PPP3CC: variants seen among roughly 807,000 people sequenced by gnomAD.
PPP3CC encodes the protein serine/threonine-protein phosphatase 2B catalytic subunit gamma isoform.
PPP3CC carries 35 observed loss-of-function variants against 60.3 expected under a neutral mutation model. The ratio of observed to expected loss-of-function variants is 0.58; its 90% confidence interval spans 0.44 to 0.77. PPP3CC has a LOEUF of 0.77. PPP3CC is among the 30% of genes least tolerant of loss of function. The probability of loss-of-function intolerance (pLI) is 0.00; values close to 1 mark genes in which losing one functional copy is unlikely to be tolerated. For synonymous variants in PPP3CC, 206 were observed against 224.3 expected (o/e 0.92, Z 0.73); for missense variants, 570 against 628.9 (o/e 0.91, Z 1.00).
chr8:22,539,273 C>T (rs201334206), intron 12 of PPP3CC, among the ~76,000 whole-genome samples, 196 bp from the exon 13 acceptor site: 4 of 144,306 alleles, frequency 2.8e-5, no homozygotes, highest in East Asian at 2.1e-4. Context: ...AACTCTCCCC[C>T]ACCCCATATT....
rs893369996 is a variant in PPP3CC at position 22,527,324 on chromosome 8, G to A, written c.944-68G>A. The A allele has an allele frequency of 2.6e-6, 4 of 1,558,522 alleles. No homozygotes were observed. The East Asian group carries it at 6.7e-5, about 26-fold the overall frequency. ...AATTCTGTGTAGCAGGTACACAGCT[G>A]TACAAAGCATACCACTTGCCATGCC... On this transcript the variant is annotated intron_variant, in intron 8 of 13. Coordinates refer to ENST00000240139, the MANE Select transcript of PPP3CC (RefSeq NM_005605.5).
intron 5 of PPP3CC, 59 bp downstream of exon 5, chr8:22,511,290 G>A: frequency 2.0e-6 from 3 of 1,518,826 alleles, no homozygotes; most frequent in African/African-American, 2.8e-5. Flanking sequence ...GGGTTTTTTT[G>A]TTGTTGTTGT....
intron 12 of PPP3CC, among the ~76,000 whole-genome samples, chr8:22,537,715 A>G (rs759195820): frequency 2.0e-4 from 30 of 152,250 alleles, no homozygotes; most frequent in Non-Finnish European, 4.3e-4. Context: ...CTATTCAGCC[A>G]TAAAAAGGAA....
chr8:22,459,215 G>A (rs540247348), intron 1 of PPP3CC, among the ~76,000 whole-genome samples: 1 of 152,248 alleles, frequency 6.6e-6, no homozygotes, highest in Non-Finnish European at 1.5e-5. Context: ...TGGAATTACA[G>A]GCACATGCCA....
chr8:22,511,702 T>C (rs1379574347), intron 5 of PPP3CC, among the ~76,000 whole-genome samples: 1 of 152,248 alleles, frequency 6.6e-6, no homozygotes, highest in African/African-American at 2.4e-5. Flanking sequence ...CATTTTGATA[T>C]GTACCTACCA....
intron 1 of PPP3CC, among the ~76,000 whole-genome samples, chr8:22,462,983 T>C (rs1287998614): frequency 6.6e-6 from 1 of 152,228 alleles, no homozygotes; most frequent in Non-Finnish European, 1.5e-5. Flanking sequence ...GGCAACCAAA[T>C]ATATTTTTTT....
rs1563776032 is a variant in PPP3CC at position 22,522,586 on chromosome 8, T to C, written c.848+18T>C. The C allele has an allele frequency of 1.3e-6, 2 of 1,599,116 alleles. No homozygotes were observed. Among genetic ancestry groups the C allele is most frequent in the South Asian group, 2.2e-5 (2 of 89,828 alleles). ...GATGCTGGGTAAGTTACATTAAAAT[T>C]GTACCAAATATCGCTGCAGAGTCTT... On this transcript the variant is annotated intron_variant, in intron 7 of 13. Transcript: ENST00000240139.
Position 22,533,031 on chromosome 8 carries a change from G to C in PPP3CC, c.1321+13G>C. 6.5e-7 allele frequency: 1 copy of C among 1,549,788 alleles called. No homozygotes were observed. The highest frequency in any genetic ancestry group is 1.2e-5 in the South Asian group (1 of 85,386). ...ACTATCGAGACAGGTGAGTATGAGA[G>C]TGCTCCTCCATGGAAGGTGTGCTCC... is the stretch of plus-strand genomic sequence containing the variant. On this transcript the variant is annotated intron_variant, in intron 12 of 13. Coordinates refer to ENST00000240139, the MANE Select transcript of PPP3CC (RefSeq NM_005605.5).
chr8:22,442,115 A>T (rs1421825437), intron 1 of PPP3CC, among the ~76,000 whole-genome samples: 2 of 152,238 alleles, frequency 1.3e-5, no homozygotes, highest in Non-Finnish European at 2.9e-5. Flanking sequence ...TAAGAACAAA[A>T]TGTAAAGGGC....
At chr8:22,537,577 G>A (rs558687819) in intron 12 of PPP3CC, among the ~76,000 whole-genome samples, 1 of 152,222 alleles carries the variant, frequency 6.6e-6, no homozygotes, top group Admixed American at 6.5e-5. Flanking sequence ...ACAAAGAAAT[G>A]AAAATATGTC....
intron 12 of PPP3CC, among the ~76,000 whole-genome samples, chr8:22,537,449 C>G (rs1290514466): frequency 1.3e-5 from 2 of 152,168 alleles, no homozygotes; most frequent in Admixed American, 1.3e-4. Context: ...CTTCTTAACA[C>G]TGCTGGTGGA....
chr8:22,511,923 G>C (rs939944459), intron 5 of PPP3CC, among the ~76,000 whole-genome samples: 9 of 152,190 alleles, frequency 5.9e-5, no homozygotes, highest in Admixed American at 5.9e-4. Flanking sequence ...AGTTGGAAGG[G>C]ATGGTCTGAG....
chr8:22,533,309 A>G (rs1364499428), intron 12 of PPP3CC, among the ~76,000 whole-genome samples: 1 of 152,246 alleles, frequency 6.6e-6, no homozygotes, highest in Non-Finnish European at 1.5e-5. Flanking sequence ...CTAACCTTAA[A>G]AAGCCAGTTG....
chr8:22,537,698 T>C (rs2117161592), intron 12 of PPP3CC, among the ~76,000 whole-genome samples: 1 of 152,288 alleles, frequency 6.6e-6, no homozygotes, highest in African/African-American at 2.4e-5. Context: ...GTAAACGCAA[T>C]GGAATACTAT....
At position 22,527,485 on chromosome 8, in the gene PPP3CC, T is replaced by G; in HGVS notation, c.1037T>G (p.Phe346Cys). The G allele has an allele frequency of 6.2e-7, 1 of 1,614,162 alleles. No individual in the cohort carries two copies. The highest frequency in any genetic ancestry group is 8.5e-7 in the Non-Finnish European group (1 of 1,179,998). ...TGGCTTCCAAACTTTATGGATGTTT[T>G]CACATGGTCTTTGCCTTTTGTTGGG... ...PYWLPNFMDV[F>C]TWSLPFVGEK... The change falls in exon 9 of 14, where the codon TTC (phenylalanine) becomes TGC (cysteine). Residue 346 changes from phenylalanine (F) to cysteine (C), a missense_variant. Transcript: ENST00000240139.
chr8:22,472,402 A>ACACACACACG (rs1837754913), intron 1 of PPP3CC, among the ~76,000 whole-genome samples: 1 of 150,690 alleles, frequency 6.6e-6, no homozygotes, highest in Non-Finnish European at 1.5e-5. Context: ...ACACACACAC[A>ACACACACACG]CACACTGAGC....
chr8:22,460,711 C>T lies in PPP3CC; in HGVS notation c.50-14243C>T, dbSNP rs182456144. Among the ~76,000 whole-genome samples the T allele has an allele frequency of 2.6e-5, 4 of 152,152 alleles. No homozygotes were observed. In the East Asian group the frequency reaches 5.8e-4, roughly 22 times the overall value. On this transcript the variant is annotated intron_variant, in intron 1 of 13. Transcript: ENST00000240139. ...GTGCATATCTGAAGTCCCAGCTACT[C>T]TGGAAGCTGAGGTGAGAGGATTGCT...
chr8:22,522,811 T>TGTATGTAC, intron 8 of PPP3CC, 62 bp downstream of exon 8: 1 of 1,193,710 alleles, frequency 8.4e-7, no homozygotes, highest in Non-Finnish European at 1.2e-6. Flanking sequence ...CTGGTTTAAT[T>TGTATGTAC]GTATGTACGT....
chr8:22,523,589 T>A (rs1180633745), intron 8 of PPP3CC: 1 of 438,738 alleles, frequency 2.3e-6, no homozygotes, highest in Non-Finnish European at 4.6e-6. Flanking sequence ...ATTCCAACAA[T>A]GCTGTCCTTG....
Sources: allele counts gnomAD v4.1 joint callset (sites outside exome capture counted in the v4.1 genomes callset), GRCh38; gene constraint gnomAD v4.1.1; transcripts MANE v1.5; gene names NCBI Gene and HGNC (gene_info 2026-07-23, HGNC 2026-07-21).